The following FOXN2 variants were observed in gnomAD, a reference collection of about 807,000 sequenced individuals.
FOXN2 encodes forkhead box N2.
In FOXN2, 19 loss-of-function variants were observed where a neutral mutation model predicts 41.2. The observed-to-expected ratio is 0.46, with a 90% CI of 0.32 to 0.68. The LOEUF is 0.68. Among genes scored for constraint, FOXN2 ranks in the 30% least tolerant of loss-of-function variants. The pLI, the probability that FOXN2 is intolerant of heterozygous loss-of-function variation, is 0.03. For missense variants in FOXN2, 587 were observed against 509.4 expected, an observed-to-expected ratio of 1.15 and a Z score of -1.47; for synonymous variants, 195 against 176.8, an observed-to-expected ratio of 1.10 and a Z score of -0.82.
rs930426045 is a variant in FOXN2, at chr2:48,377,494, T to C, written c.*2051T>C. The C allele has an allele frequency of 6.6e-6, 1 of 152,070 alleles. No individual in the cohort carries two copies. The highest frequency in any genetic ancestry group is 1.5e-5 in the Non-Finnish European group (1 of 67,904). 9.4% of individuals were successfully genotyped at this position (152,070 alleles called of 1,614,324 possible). A position where few individuals can be genotyped will look rare whatever the true frequency, so the allele number is the denominator to read the frequency against. On this transcript the variant is annotated 3_prime_UTR_variant, in exon 7 of 7. Coordinates refer to ENST00000340553, the MANE Select transcript of FOXN2 (RefSeq NM_002158.4). Reference sequence around the variant, plus strand: ...TACCTGGTTTTTGTCCATTAGATAATTACTCTTTATAAGGAAAGGAAAGAG... The same window carrying C: ...TACCTGGTTTTTGTCCATTAGATAACTACTCTTTATAAGGAAAGGAAAGAG...
At chr2:48,325,922 C>T (rs1487389503) in intron 1 of FOXN2, among the ~76,000 whole-genome samples, 1 of 146,058 alleles carries the variant, frequency 6.8e-6, no homozygotes, top group African/African-American at 2.6e-5. Flanking sequence ...GATTTTGGCT[C>T]ACTGCAAACT....
intron 3 of FOXN2, among the ~76,000 whole-genome samples, chr2:48,349,491 A>T (rs1318564350): frequency 6.6e-6 from 1 of 151,468 alleles, no homozygotes; most frequent in South Asian, 2.1e-4. Context: ...ATAAAAAAAT[A>T]AGCTGGACGT....
rs774849644 is a variant in FOXN2 at position 48,375,247 on chromosome 2, A to G, written c.1100A>G (p.Tyr367Cys). 19 of 1,613,964 alleles carry G rather than the reference A, an allele frequency of 1.2e-5. No homozygotes were observed. The highest frequency in any genetic ancestry group is 6.7e-5 in the Admixed American group (4 of 59,962). The change falls in exon 7 of 7, where the codon TAT becomes TGT. Residue 367 changes from tyrosine (Y) to cysteine (C), a missense_variant. Tyr to Cys is a radical substitution (Grantham distance 194, BLOSUM62 -2). Coordinates refer to ENST00000340553, the MANE Select transcript of FOXN2 (RefSeq NM_002158.4). ...GATGATCCTCTTGGAGACAGTGGCT[A>G]TGCATCACAGCCTTGTGCAAAAATC... ...YEDDPLGDSG[Y>C]ASQPCAKISE...
Position 48,359,264 on chromosome 2 carries a change from T to C in FOXN2, c.638+117T>C, listed in dbSNP as rs552269859. ...GTTTTATTGTATAAAGAAGTATTTATGTTTTATTTAGTTTTTAGTTTTTAG... is the reference window on the plus strand; with the variant it reads ...GTTTTATTGTATAAAGAAGTATTTACGTTTTATTTAGTTTTTAGTTTTTAG... On this transcript the variant is annotated intron_variant, in intron 4 of 6. Transcript: ENST00000340553. 168 of 737,782 alleles carry C rather than the reference T, an allele frequency of 2.3e-4. No homozygotes were observed. In the African/African-American group the frequency reaches 2.7e-3, roughly 12 times the overall value. 45.7% of individuals were successfully genotyped at this position (737,782 alleles called of 1,614,324 possible).
chr2:48,316,128 T>G (rs1325554699), intron 1 of FOXN2, among the ~76,000 whole-genome samples: 1 of 152,100 alleles, frequency 6.6e-6, no homozygotes, highest in Non-Finnish European at 1.5e-5. Context: ...GCATGTACAT[T>G]TATCTTGGTG....
intron 4 of FOXN2, among the ~76,000 whole-genome samples, chr2:48,359,657 C>G (rs1672048755): frequency 6.6e-6 from 1 of 151,456 alleles, no homozygotes; most frequent in African/African-American, 2.4e-5. Context: ...AAGACATTAG[C>G]CTAAGTTAGT....
At chr2:48,365,639 G>T (rs112270618) in intron 5 of FOXN2, among the ~76,000 whole-genome samples, 1 of 152,028 alleles carries the variant, frequency 6.6e-6, no homozygotes, top group African/African-American at 2.4e-5. Flanking sequence ...TGACTTGTAC[G>T]TATTATGCAT....
intron 5 of FOXN2, among the ~76,000 whole-genome samples, chr2:48,369,863 G>A (rs1046504126): frequency 9.2e-5 from 14 of 151,996 alleles, no homozygotes; most frequent in South Asian, 4.1e-4. Flanking sequence ...AGCCAGGTGC[G>A]GTGGTACATG....
intron 5 of FOXN2, among the ~76,000 whole-genome samples, chr2:48,365,412 AG>A (rs984906051): frequency 1.3e-5 from 2 of 152,196 alleles, no homozygotes; most frequent in African/African-American, 4.8e-5. Flanking sequence ...GCCTCAATAA[AG>A]TCTGACACTT....
At position 48,337,095 on chromosome 2, in the gene FOXN2, C is replaced by A. The variant is rs1461894796; in HGVS notation, c.-15+8393C>A. ...GTACTCATTAACCACCCCCACCTCC[C>A]TCCCACTAATCCTCCACTACCTTTC... On this transcript the variant is annotated intron_variant, in intron 2 of 6. Coordinates refer to ENST00000340553, the MANE Select transcript of FOXN2 (RefSeq NM_002158.4). 2.6e-5 allele frequency among the ~76,000 whole-genome samples: 4 copies of A among 151,596 alleles called. 1 individual carries two copies. Among genetic ancestry groups the A allele is most frequent in the African/African-American group, 4.9e-5 (2 of 41,216 alleles).
At chr2:48,313,862 TAA>T (rs900246442), upstream of FOXN2, among the ~76,000 whole-genome samples, 6 of 151,576 alleles carry the variant, frequency 4.0e-5, no homozygotes, top group South Asian at 8.4e-4. Flanking sequence ...CTTATATTTT[TAA>T]AAAAAATCTC....
At chr2:48,346,825 G>A (rs1307601119) in intron 3 of FOXN2, 74 bp downstream of exon 3, 4 of 1,270,600 alleles carry the variant, frequency 3.1e-6, no homozygotes, top group Non-Finnish European at 4.3e-6. Flanking sequence ...AAAATATCTG[G>A]AAATCGGGGA....
chr2:48,338,575 G>A (rs1198400440), intron 2 of FOXN2, among the ~76,000 whole-genome samples: 1 of 151,980 alleles, frequency 6.6e-6, no homozygotes, highest in African/African-American at 2.4e-5. Flanking sequence ...CTAATTTTCT[G>A]TATTTTTAGT....
intron 3 of FOXN2, among the ~76,000 whole-genome samples, chr2:48,356,372 C>T (rs1036565920): frequency 3.3e-5 from 5 of 151,810 alleles, no homozygotes; most frequent in African/African-American, 9.7e-5. Context: ...ACCTGGGAGG[C>T]GGAGGTTGCA....
intron 2 of FOXN2, among the ~76,000 whole-genome samples, chr2:48,338,204 A>G (rs1011514186): frequency 1.3e-5 from 2 of 152,184 alleles, no homozygotes; most frequent in African/African-American, 4.8e-5. Flanking sequence ...TCGATATCTC[A>G]TCGATCAGAG....
intron 5 of FOXN2, among the ~76,000 whole-genome samples, chr2:48,369,030 G>C (rs1252309270): frequency 1.3e-5 from 2 of 152,122 alleles, no homozygotes; most frequent in Non-Finnish European, 2.9e-5. Flanking sequence ...AAATTAATTT[G>C]GCTATAAGTT....
intron 2 of FOXN2, among the ~76,000 whole-genome samples, chr2:48,339,139 A>C (rs1444572984): frequency 6.6e-6 from 1 of 152,204 alleles, no homozygotes; most frequent in Non-Finnish European, 1.5e-5. Context: ...ATATACAGAT[A>C]TATATGAATG....
At chr2:48,374,315 A>C (rs953033852) in intron 6 of FOXN2, among the ~76,000 whole-genome samples, 1 of 152,140 alleles carries the variant, frequency 6.6e-6, no homozygotes, top group African/African-American at 2.4e-5. Flanking sequence ...CTTCGCTAGA[A>C]ATTCGGGAAA....
intron 5 of FOXN2, among the ~76,000 whole-genome samples, chr2:48,363,196 T>C (rs1035438791): frequency 3.3e-5 from 5 of 152,210 alleles, no homozygotes; most frequent in African/African-American, 9.6e-5. Context: ...GACAGTGATA[T>C]TGATCTTGAC....
Sources: allele counts gnomAD v4.1 joint callset (sites outside exome capture counted in the v4.1 genomes callset), GRCh38; gene constraint gnomAD v4.1.1; transcripts MANE v1.5; gene names NCBI Gene and HGNC (gene_info 2026-07-23, HGNC 2026-07-21).